FAM167A: variants seen among roughly 807,000 people sequenced by gnomAD.
The protein encoded by FAM167A is family with sequence similarity 167 member A.
A neutral mutation model predicts 14.9 loss-of-function variants in FAM167A; 23 were observed. That is an observed-to-expected ratio of 1.55 (90% confidence interval 1.11 to 2.19). The LOEUF (loss-of-function observed/expected upper bound fraction) is 2.19. Ranked by LOEUF, FAM167A falls within the 30% of genes most tolerant of loss-of-function variation. The pLI is 0.00. For synonymous variants in FAM167A, 174 were observed against 117.7 expected, an observed-to-expected ratio of 1.48 and a Z score of -3.10; for missense variants, 401 against 281.5, an observed-to-expected ratio of 1.42 and a Z score of -3.04.
chr8:11,430,463 T>C (rs977080024), intron 2 of FAM167A, among the ~76,000 whole-genome samples: 1 of 152,232 alleles, frequency 6.6e-6, no homozygotes, highest in African/African-American at 2.4e-5. Context: ...GTTGAAATGT[T>C]CTAAAATTAT....
chr8:11,457,500 C>CCG (rs1363363294), intron 1 of FAM167A, among the ~76,000 whole-genome samples: 2 of 152,008 alleles, frequency 1.3e-5, no homozygotes, highest in Admixed American at 6.5e-5. Flanking sequence ...ATCACTTACT[C>CCG]CGTGATGTTT....
intron 2 of FAM167A, 66 bp from the exon 3 acceptor site, chr8:11,424,702 G>T: frequency 6.3e-7 from 1 of 1,578,556 alleles, no homozygotes; most frequent in Non-Finnish European, 8.6e-7. Context: ...GGCACAGACT[G>T]GTTAGCAGGG....
At chr8:11,451,360 G>A (rs558677947) in intron 1 of FAM167A, among the ~76,000 whole-genome samples, 13 of 152,044 alleles carry the variant, frequency 8.6e-5, no homozygotes, top group South Asian at 2.1e-4. Flanking sequence ...GTTACACAGC[G>A]TATACCTTCC....
At chr8:11,456,422 G>GT (rs1807310275) in intron 1 of FAM167A, among the ~76,000 whole-genome samples, 3 of 131,846 alleles carry the variant, frequency 2.3e-5, no homozygotes, top group Non-Finnish European at 4.9e-5. Flanking sequence ...TTGCCTTGCT[G>GT]GGTGTATGAG....
chr8:11,450,371 T>C (rs1162435709), intron 1 of FAM167A, among the ~76,000 whole-genome samples: 2 of 152,204 alleles, frequency 1.3e-5, no homozygotes, highest in African/African-American at 4.8e-5. Flanking sequence ...ATTAACACAT[T>C]TAATCCTCAC....
chr8:11,475,333 G>A (rs540161756), intron 1 of FAM167A, among the ~76,000 whole-genome samples: 1 of 152,270 alleles, frequency 6.6e-6, no homozygotes, highest in African/African-American at 2.4e-5. Flanking sequence ...TTTCTTAGAA[G>A]TTTTCCAAGA....
intron 1 of FAM167A, among the ~76,000 whole-genome samples, chr8:11,450,391 A>G (rs1050107570): frequency 6.6e-6 from 1 of 152,244 alleles, no homozygotes; most frequent in Admixed American, 6.5e-5. Flanking sequence ...CAACAGCCCT[A>G]TGAATCTGGG....
chr8:11,455,764 G>C (rs1242954512), intron 1 of FAM167A, among the ~76,000 whole-genome samples: 4 of 150,764 alleles, frequency 2.7e-5, no homozygotes, highest in Admixed American at 2.6e-4. Flanking sequence ...ATGAGTGTGA[G>C]TGTATTGGGG....
At chr8:11,471,571 G>A (rs1029478926), upstream of FAM167A, among the ~76,000 whole-genome samples, 13 of 152,190 alleles carry the variant, frequency 8.5e-5, no homozygotes, top group Admixed American at 8.5e-4. Context: ...TGTACCATGG[G>A]CGGTCACTTA....
Position 11,424,631 on chromosome 8 carries a change from C to T in FAM167A, c.387G>A (p.Glu129=), listed in dbSNP as rs1805006788. ...AIAWLRKELT[E]MRLQDQQLAR... ...CCAGTTGCTGGTCCTGCAGCCGCAT[C>T]TCCGTCTGGAAGGGAGGGGGAGCAG... Residue 129 remains glutamate, a synonymous_variant, in exon 3 of 3, where the codon GAG becomes GAA. Coordinates refer to ENST00000284486, the MANE Select transcript of FAM167A (RefSeq NM_053279.3). The T allele has an allele frequency of 3.1e-6, 5 of 1,613,510 alleles. No homozygotes were observed. Among genetic ancestry groups the T allele is most frequent in the Middle Eastern group, 3.3e-4 (2 of 5,992 alleles).
upstream of FAM167A, among the ~76,000 whole-genome samples, chr8:11,471,881 T>C (rs540450785): frequency 7.9e-5 from 12 of 152,150 alleles, no homozygotes; most frequent in Non-Finnish European, 1.6e-4. Flanking sequence ...GCTGAGCTGC[T>C]CCCCTGTCCA....
At chr8:11,447,761 T>C (rs1326149801) in intron 1 of FAM167A, among the ~76,000 whole-genome samples, 2 of 152,220 alleles carry the variant, frequency 1.3e-5, no homozygotes, top group East Asian at 3.8e-4. Flanking sequence ...AGGGCAGCCA[T>C]TGGCTTTGTG....
At chr8:11,443,982 G>A in intron 2 of FAM167A, 49 bp downstream of exon 2, 1 of 1,565,338 alleles carries the variant, frequency 6.4e-7, no homozygotes, top group Non-Finnish European at 8.7e-7. Flanking sequence ...GACACAGAGA[G>A]ACGGTGGCAT....
At position 11,424,268 on chromosome 8, in the gene FAM167A, C is replaced by T. The variant is rs1804970656; in HGVS notation, c.*105G>A. The stretch of plus-strand genomic sequence containing the variant: ...CCCTTGAGTCGCCAGTCCCAGGGAC[C>T]CCTGCCTCCGGGAGACCCACTGGAG... On this transcript the variant is annotated 3_prime_UTR_variant, in exon 3 of 3. Transcript: ENST00000284486. 6.7e-7 allele frequency: 1 copy of T among 1,495,664 alleles called. No homozygotes were observed. The highest frequency in any genetic ancestry group is 1.3e-5 in the South Asian group (1 of 79,042). 92.6% of individuals were successfully genotyped at this position (1,495,664 alleles called of 1,614,324 possible).
chr8:11,475,210 C>T (rs1188528418), intron 1 of FAM167A, among the ~76,000 whole-genome samples: 1 of 152,140 alleles, frequency 6.6e-6, no homozygotes, highest in African/African-American at 2.4e-5. Flanking sequence ...CTCGGCTTTT[C>T]CTCTGGGACC....
At chr8:11,473,043 G>C (rs1266168220) in intron 1 of FAM167A, among the ~76,000 whole-genome samples, 1 of 152,260 alleles carries the variant, frequency 6.6e-6, no homozygotes, top group Non-Finnish European at 1.5e-5. Flanking sequence ...CTGGGGAAGA[G>C]CCTGCTTGAA....
chr8:11,453,485 G>C (rs1244730324), intron 1 of FAM167A, among the ~76,000 whole-genome samples: 4 of 152,226 alleles, frequency 2.6e-5, no homozygotes, highest in Non-Finnish European at 5.9e-5. Context: ...CACAGATGAA[G>C]AGACCGAGGC....
chr8:11,454,693 G>C (rs1807159030), intron 1 of FAM167A, among the ~76,000 whole-genome samples: 1 of 152,216 alleles, frequency 6.6e-6, no homozygotes, highest in African/African-American at 2.4e-5. Context: ...AAGAGGTTAG[G>C]AGGTCTGGGA....
intron 1 of FAM167A, among the ~76,000 whole-genome samples, chr8:11,474,309 G>A (rs1797800272): frequency 6.6e-6 from 1 of 152,216 alleles, no homozygotes; most frequent in Non-Finnish European, 1.5e-5. Flanking sequence ...CAGCATTCCT[G>A]GATATCTTAG....
Sources: allele counts gnomAD v4.1 joint callset (sites outside exome capture counted in the v4.1 genomes callset), GRCh38; gene constraint gnomAD v4.1.1; transcripts MANE v1.5; gene names NCBI Gene and HGNC (gene_info 2026-07-23, HGNC 2026-07-21).